Variants in DNAH5 observed in about 807,000 individuals in gnomAD.
DNAH5 encodes the protein dynein axonemal heavy chain 5.
DNAH5 carries 372 observed loss-of-function variants against 518.2 expected under a neutral mutation model. That is an observed-to-expected ratio of 0.72 (90% CI 0.66 to 0.78). The LOEUF (loss-of-function observed/expected upper bound fraction) is 0.78, where lower values mean the gene tolerates loss of function less well. DNAH5 is among the 30% of genes least tolerant of loss of function. The pLI, the probability that DNAH5 is intolerant of heterozygous loss-of-function variation, is 0.00. For missense variants in DNAH5, 5,523 were observed against 5,687.0 expected (o/e 0.97, Z 0.93); for synonymous variants, 2,039 against 2,025.9 (o/e 1.01, Z -0.17).
intron 35 of DNAH5, among the ~76,000 whole-genome samples, chr5:13,837,040 A>T (rs1764484990): frequency 6.6e-6 from 1 of 152,222 alleles, no homozygotes; most frequent in Admixed American, 6.5e-5. Context: ...CCAGGAGGAA[A>T]GGAATTCTGC....
chr5:13,817,457 G>T, intron 42 of DNAH5, 91 bp downstream of exon 42: 1 of 1,319,322 alleles, frequency 7.6e-7, no homozygotes, highest in Non-Finnish European at 1.1e-6. Context: ...ATATTATACA[G>T]CAAATACAGT....
In DNAH5 at chr5:13,944,675, A is replaced by C. The variant is rs759827410; in HGVS notation, c.-237T>G. 2.2e-4 allele frequency: 120 copies of C among 555,174 alleles called. No individual in the cohort carries two copies. The highest frequency in any genetic ancestry group is 4.8e-4 in the Admixed American group (16 of 33,000). The allele number at this position is 555,174 out of a possible 1,614,324, so 34.4% of individuals were successfully genotyped here. A position where few individuals can be genotyped will look rare whatever the true frequency, so the allele number is the denominator to read the frequency against. ...GCCCTGGGCCTCTCCTCTCTCTCGA[A>C]GCCTGGTGTTGTTAGGGTAATATTG... is the stretch of plus-strand genomic sequence containing the variant. On this transcript the variant is annotated 5_prime_UTR_variant, in exon 1 of 79. Coordinates refer to ENST00000265104, the MANE Select transcript of DNAH5 (RefSeq NM_001369.3).
chr5:13,807,896 G>C (rs916474455), intron 46 of DNAH5, among the ~76,000 whole-genome samples, 171 bp from the exon 47 acceptor site: 2 of 152,036 alleles, frequency 1.3e-5, no homozygotes, highest in African/African-American at 2.4e-5. Context: ...AAAGCTGTTG[G>C]ATGAGGCTTA....
intron 51 of DNAH5, among the ~76,000 whole-genome samples, chr5:13,786,740 G>T (rs1213816107): frequency 6.6e-6 from 1 of 152,116 alleles, no homozygotes; most frequent in Non-Finnish European, 1.5e-5. Flanking sequence ...AAAGAAAAAG[G>T]TTATTGCATT....
intron 47 of DNAH5, among the ~76,000 whole-genome samples, chr5:13,804,517 T>A (rs1759270523): frequency 1.3e-5 from 2 of 152,244 alleles, no homozygotes; most frequent in African/African-American, 4.8e-5. Flanking sequence ...AAAATTACAG[T>A]GAGAAAGTTA....
At chr5:13,940,440 G>A (rs1560977326) in intron 1 of DNAH5, among the ~76,000 whole-genome samples, 1 of 152,194 alleles carries the variant, frequency 6.6e-6, no homozygotes, top group East Asian at 1.9e-4. Flanking sequence ...CACCATTCAC[G>A]TTATATATGG....
intron 21 of DNAH5, among the ~76,000 whole-genome samples, chr5:13,881,123 C>A (rs1580723737): frequency 6.6e-6 from 1 of 151,430 alleles, no homozygotes. Context: ...ACATATACAC[C>A]CAACATTGGA....
chr5:14,001,599 A>G (rs235464), intron 1 of DNAH5, among the ~76,000 whole-genome samples: 112,034 of 151,442 alleles, frequency 0.74, 41,774 homozygotes, highest in East Asian at 0.97. Flanking sequence ...TCCTGACCTC[A>G]TGATCTGCCC....
At chr5:13,755,194 A>G (rs1750821550) in intron 61 of DNAH5, among the ~76,000 whole-genome samples, 1 of 152,140 alleles carries the variant, frequency 6.6e-6, no homozygotes, top group African/African-American at 2.4e-5. Flanking sequence ...ACTTGTAAAA[A>G]TCTAAACTTA....
At position 13,737,483 on chromosome 5, in the gene DNAH5, C is replaced by T. The variant is rs1397417368; in HGVS notation, c.11224G>A (p.Glu3742Lys). 6.2e-7 allele frequency: 1 copy of T among 1,613,922 alleles called. No individual in the cohort carries two copies. Among genetic ancestry groups the T allele is most frequent in the Admixed American group, 1.7e-5 (1 of 59,998 alleles). The part of the protein sequence containing the change: ...ILTEKQELEK[E>K]RTHLMEDVTA... The stretch of plus-strand genomic sequence containing the variant: ...ACATCTTCCATCAGATGAGTTCTTT[C>T]TTTCTCCAATTCCTATTAATTTGCA... Residue 3742 changes from glutamate to lysine, a missense_variant, in exon 66 of 79, where the codon GAA becomes AAA. This residue lies in a region of DNAH5 where 5,121 missense variants were observed against 5,223.3 expected (regional missense o/e 0.98). Transcript: ENST00000265104.
intron 1 of DNAH5, among the ~76,000 whole-genome samples, chr5:13,989,486 T>C (rs955270698): frequency 2.4e-5 from 2 of 82,656 alleles, no homozygotes; most frequent in Non-Finnish European, 5.6e-5. Context: ...GGGAGACTTT[T>C]TTTTTTTTTT....
intron 65 of DNAH5, among the ~76,000 whole-genome samples, chr5:13,737,958 G>A (rs1482566119): frequency 2.0e-5 from 3 of 152,198 alleles, no homozygotes; most frequent in Admixed American, 2.0e-4. Flanking sequence ...AGCTGCTTGG[G>A]AAGCTGAAGC....
In DNAH5 at chr5:13,931,124, G is replaced by C; in HGVS notation, c.178C>G (p.Leu60Val). 1 of 1,614,090 alleles carries C rather than the reference G, an allele frequency of 6.2e-7. No individual in the cohort carries two copies. The highest frequency in any genetic ancestry group is 8.5e-7 in the Non-Finnish European group (1 of 1,179,956). The part of the protein sequence containing the change: ...LNKTEVEDAI[L>V]EGNQIERIDQ... ...ACGCATCCCACCTGATTCCCTTCAA[G>C]AATGGCATCCTCCACTTCGGTTTTG... Residue 60 changes from leucine (L) to valine (V), a missense_variant, in exon 2 of 79, where the codon CTT becomes GTT. Around this residue, in one of 3 missense-constraint regions of DNAH5, gnomAD observed 5,121 missense variants for 5,223.3 expected, o/e 0.98. Transcript: ENST00000265104.
Position 13,735,838 on chromosome 5 carries a change from T to A in DNAH5, c.11550A>T (p.Leu3850Phe). Residue 3850 changes from leucine (L) to phenylalanine (F), a missense_variant, in exon 67 of 79, where the codon TTA (leucine) becomes TTT (phenylalanine). This residue lies in a region of DNAH5 where 5,121 missense variants were observed against 5,223.3 expected (regional missense o/e 0.98). Coordinates refer to ENST00000265104, the MANE Select transcript of DNAH5 (RefSeq NM_001369.3). ...CGTACCTGGCTAAGGAAAGGTCAAA[T>A]AAGCCCAGAAACTGGCGAAGCGAAG... ...YQTSLRQFLG[L>F]FDLSLARSVK... 1 of 1,614,124 alleles carries A rather than the reference T, an allele frequency of 6.2e-7. No homozygotes were observed. Among genetic ancestry groups the A allele is most frequent in the Non-Finnish European group, 8.5e-7 (1 of 1,179,972 alleles).
chr5:13,944,039 A>G (rs1403077285), intron 1 of DNAH5, among the ~76,000 whole-genome samples: 1 of 152,190 alleles, frequency 6.6e-6, no homozygotes, highest in Non-Finnish European at 1.5e-5. Context: ...AACTATTTCT[A>G]ATCACCAACT....
intron 47 of DNAH5, among the ~76,000 whole-genome samples, chr5:13,799,968 AT>A (rs539589420): frequency 4.6e-4 from 70 of 152,242 alleles, no homozygotes; most frequent in African/African-American, 1.5e-3. Flanking sequence ...TATTTATACA[AT>A]TTTGTGCATG....
chr5:13,877,339 T>C (rs1215962223), intron 21 of DNAH5, among the ~76,000 whole-genome samples: 1 of 152,198 alleles, frequency 6.6e-6, no homozygotes, highest in Non-Finnish European at 1.5e-5. Flanking sequence ...AAAAGTCCTA[T>C]CCTCATGGCA....
chr5:13,905,193 T>C (rs114546053), intron 12 of DNAH5, among the ~76,000 whole-genome samples: 186 of 152,346 alleles, frequency 1.2e-3, no homozygotes, highest in African/African-American at 4.3e-3. Flanking sequence ...GGATCAAGCA[T>C]GCTATGGTTT....
At chr5:13,759,585 A>G (rs768441075) in intron 60 of DNAH5, among the ~76,000 whole-genome samples, 19 of 152,200 alleles carry the variant, frequency 1.2e-4, no homozygotes, top group Non-Finnish European at 2.4e-4. Context: ...TGTTCCTGTC[A>G]CTTTCATATA....
Sources: gnomAD v4.1 joint callset for allele counts (sites outside exome capture counted in the v4.1 genomes callset) on GRCh38, gnomAD v4.1.1 for gene constraint, gnomAD v4.1.1 regional missense constraint, MANE v1.5 for transcripts, NCBI Gene and HGNC (gene_info 2026-07-23, HGNC 2026-07-21) for gene names.